The following CNTN5 variants were observed in gnomAD, a reference collection of about 807,000 sequenced individuals.
CNTN5 encodes contactin-5.
Under a neutral mutation model 129.1 loss-of-function variants are expected in CNTN5, and 77 were observed. That is an observed-to-expected ratio of 0.60 (90% CI 0.50 to 0.72). The LOEUF is 0.72. Ranked by LOEUF, CNTN5 falls within the 30% of genes least tolerant of loss-of-function variation. The pLI, the probability that CNTN5 is intolerant of heterozygous loss-of-function variation, is 0.00. For synonymous variants in CNTN5, 509 were observed against 465.6 expected (o/e 1.09, Z -1.20); for missense variants, 1,478 against 1,328.8 (o/e 1.11, Z -1.75).
intron 2 of CNTN5, among the ~76,000 whole-genome samples, chr11:99,510,450 T>C (rs941088109): frequency 6.6e-6 from 1 of 152,188 alleles, no homozygotes; most frequent in Non-Finnish European, 1.5e-5. Context: ...TATTTAAACA[T>C]GTCTACAATC....
intron 2 of CNTN5, among the ~76,000 whole-genome samples, chr11:99,327,655 T>C (rs1865840134): frequency 6.6e-6 from 1 of 152,192 alleles, no homozygotes; most frequent in Non-Finnish European, 1.5e-5. Flanking sequence ...GAATTGATGA[T>C]TCTGACAAGA....
chr11:99,278,865 A>G (rs1863568140), intron 1 of CNTN5, among the ~76,000 whole-genome samples: 1 of 151,758 alleles, frequency 6.6e-6, no homozygotes, highest in South Asian at 2.1e-4. Flanking sequence ...AAGCACTTTC[A>G]CTAGTTCTAC....
intron 2 of CNTN5, among the ~76,000 whole-genome samples, chr11:99,422,536 A>ATATATATATATATATATC (rs1942945911): frequency 1.5e-5 from 2 of 133,720 alleles, no homozygotes; most frequent in Non-Finnish European, 3.2e-5. Flanking sequence ...ATATATATAT[A>ATATATATATATATATATC]TATATATATA....
chr11:99,717,154 C>T (rs1955273318), intron 3 of CNTN5, among the ~76,000 whole-genome samples: 1 of 152,032 alleles, frequency 6.6e-6, no homozygotes, highest in South Asian at 2.1e-4. Context: ...AATTATTTTT[C>T]TGTCCTTTTG....
In CNTN5 at chr11:99,849,682, C is replaced by G. The variant is rs116759262; in HGVS notation, c.577+4420C>G. On this transcript the variant is annotated intron_variant, in intron 6 of 24. Coordinates refer to ENST00000524871, the MANE Select transcript of CNTN5 (RefSeq NM_014361.4). ...AAATAGGTTTTGAATGTCTCAAGCT[C>G]ACATTGACAGCTTGTATTTACTGAA... 6.5e-3 allele frequency among the ~76,000 whole-genome samples: 985 copies of G among 152,264 alleles called. 12 individuals are homozygous for G. Among genetic ancestry groups the G allele is most frequent in the African/African-American group, 0.021 (880 of 41,568 alleles).
chr11:99,530,300 G>T (rs1249876878), intron 2 of CNTN5, among the ~76,000 whole-genome samples: 1 of 152,154 alleles, frequency 6.6e-6, no homozygotes, highest in Non-Finnish European at 1.5e-5. Context: ...TTAAAAAACT[G>T]TAGGTTACTG....
In CNTN5 at chr11:100,260,006, G is replaced by T. The variant is rs150534691; in HGVS notation, c.2164+4088G>T. On this transcript the variant is annotated intron_variant, in intron 17 of 24. Coordinates refer to ENST00000524871, the MANE Select transcript of CNTN5 (RefSeq NM_014361.4). ...CTTCAAAAAATCAATGAATCCAGGA[G>T]CTGGTGTTTTGAAAAGATTAACAAA... Among the ~76,000 whole-genome samples the T allele has an allele frequency of 5.1e-3, 772 of 152,202 alleles. 9 individuals carry two copies. The highest frequency in any genetic ancestry group is 0.018 in the African/African-American group (730 of 41,536).
At chr11:99,382,845 C>CTTTTTTTTTTTT (rs1163660333) in intron 2 of CNTN5, among the ~76,000 whole-genome samples, 1,697 of 76,876 alleles carry the variant, frequency 0.022, 429 homozygotes, top group African/African-American at 0.038. Context: ...CTCTAAATAA[C>CTTTTTTTTTTTT]TTTTTTTTTT....
At chr11:99,131,573 C>G (rs1298027868) in intron 1 of CNTN5, among the ~76,000 whole-genome samples, 6 of 151,994 alleles carry the variant, frequency 3.9e-5, no homozygotes, top group Non-Finnish European at 8.8e-5. Context: ...GAGATACCAC[C>G]AATGACCCCA....
chr11:99,662,347 A>G (rs1383800823), intron 3 of CNTN5, among the ~76,000 whole-genome samples: 1 of 152,216 alleles, frequency 6.6e-6, no homozygotes, highest in South Asian at 2.1e-4. Flanking sequence ...AGCACTGTGT[A>G]GACAATCATA....
intron 3 of CNTN5, among the ~76,000 whole-genome samples, chr11:99,695,249 T>G (rs1458292142): frequency 2.6e-5 from 4 of 152,000 alleles, no homozygotes; most frequent in Non-Finnish European, 1.5e-5. Flanking sequence ...TCCCACTTTC[T>G]GTTTTGGGTG....
intron 1 of CNTN5, among the ~76,000 whole-genome samples, chr11:99,229,495 A>G (rs1251145311): frequency 6.8e-6 from 1 of 147,906 alleles, no homozygotes; most frequent in African/African-American, 2.5e-5. Context: ...TAGTTTTACC[A>G]CTTGAATGAT....
intron 1 of CNTN5, among the ~76,000 whole-genome samples, chr11:99,317,823 G>C (rs970670263): frequency 2.7e-5 from 4 of 150,426 alleles, no homozygotes; most frequent in Admixed American, 2.6e-4. Context: ...TTAACTTACT[G>C]TAAAAAAAAA....
intron 1 of CNTN5, among the ~76,000 whole-genome samples, chr11:99,131,985 T>G (rs4540815): frequency 0.9 from 137,627 of 152,210 alleles, 62,416 homozygotes; most frequent in East Asian, 0.99. Flanking sequence ...GATGAACATT[T>G]ATGCAAAAAT....
At chr11:99,077,690 A>C (rs558906004) in intron 1 of CNTN5, among the ~76,000 whole-genome samples, 1 of 152,278 alleles carries the variant, frequency 6.6e-6, no homozygotes, top group East Asian at 1.9e-4. Context: ...AAGCAGGTGG[A>C]AGTAATTGAC....
chr11:99,598,287 T>TCTCTCTC (rs1565335421), intron 3 of CNTN5, among the ~76,000 whole-genome samples: 1 of 6,762 alleles, frequency 1.5e-4, no homozygotes, highest in Non-Finnish European at 3.3e-4. Context: ...TTCTTTTCTT[T>TCTCTCTC]TCTTTTCTTT....
intron 6 of CNTN5, among the ~76,000 whole-genome samples, chr11:99,864,890 T>TAA (rs1948313247): frequency 6.6e-6 from 1 of 152,312 alleles, no homozygotes; most frequent in Non-Finnish European, 1.5e-5. Flanking sequence ...TTGTTTCCAC[T>TAA]AAAAGGTATA....
At chr11:100,020,629 T>A (rs1941090421) in intron 9 of CNTN5, among the ~76,000 whole-genome samples, 1 of 152,128 alleles carries the variant, frequency 6.6e-6, no homozygotes, top group Non-Finnish European at 1.5e-5. Flanking sequence ...TATGGTTTCA[T>A]ATGAATTATC....
intron 3 of CNTN5, among the ~76,000 whole-genome samples, chr11:99,766,771 G>A (rs189570666): frequency 5.5e-4 from 83 of 151,914 alleles, no homozygotes; most frequent in African/African-American, 1.8e-3. Flanking sequence ...ATTTTAACAA[G>A]CATTTTAAAA....
Sources: gnomAD v4.1 joint callset for allele counts (sites outside exome capture counted in the v4.1 genomes callset) on GRCh38, gnomAD v4.1.1 for gene constraint, MANE v1.5 for transcripts, NCBI Gene and HGNC (gene_info 2026-07-23, HGNC 2026-07-21) for gene names.